PCDHGA6: variants seen among roughly 807,000 people sequenced by gnomAD.
PCDHGA6 encodes the protein protocadherin gamma subfamily A, 6.
Under a neutral mutation model 60.6 loss-of-function variants are expected in PCDHGA6, and 41 were observed. The observed-to-expected ratio is 0.68, with a 90% CI of 0.53 to 0.88. The LOEUF is 0.88. PCDHGA6 is among the 40% of genes least tolerant of loss of function. The pLI is 0.00. For synonymous variants in PCDHGA6, 594 were observed against 524.4 expected (o/e 1.13, Z -1.81); for missense variants, 1,312 against 1,203.0 (o/e 1.09, Z -1.34).
chr5:141,456,087 C>T (rs1218579202), intron 1 of PCDHGA6, among the ~76,000 whole-genome samples: 1 of 151,886 alleles, frequency 6.6e-6, no homozygotes, highest in Non-Finnish European at 1.5e-5. Context: ...TCAGTAGAGA[C>T]GGGATTTCAC....
intron 1 of PCDHGA6, among the ~76,000 whole-genome samples, chr5:141,473,191 G>A (rs28479996): frequency 0.019 from 2,957 of 152,242 alleles, 87 homozygotes; most frequent in African/African-American, 0.062. Context: ...AGGAGTAAAT[G>A]TATCTTCTAA....
Position 141,485,210 on chromosome 5 carries a change from C to G in PCDHGA6, c.2425-9597C>G. 2 of 1,614,058 alleles carry G rather than the reference C, an allele frequency of 1.2e-6. No individual in the cohort carries two copies. The highest frequency in any genetic ancestry group is 1.7e-6 in the Non-Finnish European group (2 of 1,179,934). On this transcript the variant is annotated intron_variant, in intron 1 of 3. Transcript: ENST00000517434. The surrounding 1 kb of genome is among the most constrained non-coding windows in gnomAD (Gnocchi z 5.7). ...GGTGAGAAGCTGGACAGAAATCTGG[C>G]GGTGGGCTACCCTTTTGTTCCTCTT...
intron 1 of PCDHGA6, chr5:141,422,717 T>A: frequency 6.2e-7 from 1 of 1,604,832 alleles, no homozygotes; most frequent in Non-Finnish European, 8.5e-7. Flanking sequence ...GATGACACTG[T>A]CCAGGGGGTG....
Position 141,476,698 on chromosome 5 carries a change from G to T in PCDHGA6, c.2425-18109G>T. The T allele has an allele frequency of 4.3e-6, 7 of 1,614,056 alleles. No homozygotes were observed. Among genetic ancestry groups the T allele is most frequent in the Non-Finnish European group, 5.9e-6 (7 of 1,179,986 alleles). ...CGCGGGAGGACAGCACCAAGTACGC[G>T]GAGCTGGTGTTGGAGCGCGCCCTGG... On this transcript the variant is annotated intron_variant, in intron 1 of 3. Coordinates refer to ENST00000517434, the MANE Select transcript of PCDHGA6 (RefSeq NM_018919.3). The surrounding 1 kb of genome is among the most constrained non-coding windows in gnomAD (Gnocchi z 7.6).
Position 141,374,976 on chromosome 5 carries a change from C to A in PCDHGA6, c.893C>A (p.Thr298Asn). Reference sequence around the variant, plus strand: ...CAAATTTTCTGTTTGAATGTTTTGACTGGAGAAATTTCAACTTCTGCAAAT... The same window carrying A: ...CAAATTTTCTGTTTGAATGTTTTGAATGGAGAAATTTCAACTTCTGCAAAT... ...ISQIFCLNVLTGEISTSANLD... is the reference protein window; with the variant it reads ...ISQIFCLNVLNGEISTSANLD... The change falls in exon 1 of 4, where the codon ACT becomes AAT. Residue 298 changes from threonine (T) to asparagine (N), a missense_variant. By Grantham distance (65) the Thr-to-Asn change is moderately conservative. Coordinates refer to ENST00000517434, the MANE Select transcript of PCDHGA6 (RefSeq NM_018919.3). The A allele has an allele frequency of 6.2e-7, 1 of 1,614,016 alleles. No homozygotes were observed. Among genetic ancestry groups the A allele is most frequent in the Non-Finnish European group, 8.5e-7 (1 of 1,179,900 alleles).
chr5:141,473,988 G>A (rs1006988447), intron 1 of PCDHGA6, among the ~76,000 whole-genome samples: 1 of 152,118 alleles, frequency 6.6e-6, no homozygotes, highest in African/African-American at 2.4e-5. Flanking sequence ...AGGATCCCTT[G>A]AGCCCAAGGA....
chr5:141,393,003 G>A (rs1202314944), intron 1 of PCDHGA6: 1 of 1,613,882 alleles, frequency 6.2e-7, no homozygotes, highest in East Asian at 2.2e-5. Flanking sequence ...GAAGCACGGA[G>A]TCCGTATCGT....
chr5:141,419,203 C>T (rs201698529), intron 1 of PCDHGA6: 140 of 1,613,988 alleles, frequency 8.7e-5, no homozygotes, highest in Non-Finnish European at 1.2e-4. Flanking sequence ...TCAATGACAA[C>T]GCGCCGGTTT....
intron 2 of PCDHGA6, among the ~76,000 whole-genome samples, chr5:141,496,748 C>T (rs1382244657): frequency 6.6e-6 from 1 of 152,130 alleles, no homozygotes; most frequent in African/African-American, 2.4e-5. Flanking sequence ...ATTTATTCAA[C>T]AAATATTTAT....
At chr5:141,427,280 A>G (rs1351534612) in intron 1 of PCDHGA6, 3 of 456,834 alleles carry the variant, frequency 6.6e-6, no homozygotes, top group Non-Finnish European at 8.8e-6. Context: ...GTAAAATTAT[A>G]CTAGAAATCC....
intron 1 of PCDHGA6, among the ~76,000 whole-genome samples, chr5:141,446,193 T>C (rs1402824950): frequency 6.6e-6 from 1 of 152,208 alleles, no homozygotes; most frequent in East Asian, 1.9e-4. Flanking sequence ...TTTATTATTA[T>C]ATTCCTAGGT....
At position 141,431,525 on chromosome 5, in the gene PCDHGA6, G is replaced by A. The variant is rs1390184616; in HGVS notation, c.2424+55018G>A. The A allele has an allele frequency of 5.6e-6, 9 of 1,613,956 alleles. No individual in the cohort carries two copies. Among genetic ancestry groups the A allele is most frequent in the Non-Finnish European group, 7.6e-6 (9 of 1,180,044 alleles). ...CCGCGCGAGCGTTCCGGAGAATCTG[G>A]CCTTGGGCACGCAGCTGCTTGTAGT... On this transcript the variant is annotated intron_variant, in intron 1 of 3. Transcript: ENST00000517434. This position sits in a 1 kb window ranked among gnomAD's most constrained non-coding sequence, Gnocchi z 4.8.
intron 1 of PCDHGA6, chr5:141,409,530 C>G: frequency 6.2e-7 from 1 of 1,613,994 alleles, no homozygotes. Flanking sequence ...TTGTATGTCG[C>G]TGACATCAAC....
At chr5:141,426,702 C>CA (rs1187798274) in intron 1 of PCDHGA6, 1 of 439,184 alleles carries the variant, frequency 2.3e-6, no homozygotes, top group Admixed American at 2.4e-5. Context: ...CATTGTTTTA[C>CA]AAATCAATGA....
intron 1 of PCDHGA6, among the ~76,000 whole-genome samples, chr5:141,484,306 C>T (rs1009067603): frequency 6.6e-6 from 1 of 152,184 alleles, no homozygotes; most frequent in African/African-American, 2.4e-5. Context: ...GCTTCCTCCA[C>T]CCCGCTTCCA....
intron 1 of PCDHGA6, chr5:141,413,820 C>G (rs967941133): frequency 5.6e-6 from 9 of 1,613,086 alleles, no homozygotes; most frequent in South Asian, 1.1e-5. Flanking sequence ...ACCACCTGGT[C>G]CTCACCGCCT....
In PCDHGA6 at chr5:141,432,627, C is replaced by G. The variant is rs886117102; in HGVS notation, c.2424+56120C>G. On this transcript the variant is annotated intron_variant, in intron 1 of 3. Transcript: ENST00000517434. This position sits in a 1 kb window ranked among gnomAD's most constrained non-coding sequence, Gnocchi z 6.0. The stretch of plus-strand genomic sequence containing the variant: ...GGACTCTTCTCGGTGGGTCTGCACA[C>G]GGGCGAGGTGCGCACGGCGCGAGCC... The G allele has an allele frequency of 1.2e-6, 2 of 1,613,652 alleles. No individual in the cohort carries two copies. The highest frequency in any genetic ancestry group is 2.7e-5 in the African/African-American group (2 of 74,886).
chr5:141,400,476 C>T (rs2094027348), intron 1 of PCDHGA6: 2 of 1,613,846 alleles, frequency 1.2e-6, no homozygotes, highest in African/African-American at 2.7e-5. Context: ...CATCTGGGGC[C>T]TTATTTCCAC....
chr5:141,494,897 C>T (rs1194879883), intron 2 of PCDHGA6, 32 bp downstream of exon 2: 2 of 1,614,122 alleles, frequency 1.2e-6, no homozygotes, highest in South Asian at 2.2e-5. Flanking sequence ...CCACCCTCTT[C>T]TCTGCGGCAT....
Sources: allele counts gnomAD v4.1 joint callset (sites outside exome capture counted in the v4.1 genomes callset), GRCh38; gene constraint gnomAD v4.1.1; non-coding constraint Gnocchi (gnomAD v3.1); transcripts MANE v1.5; gene names NCBI Gene and HGNC (gene_info 2026-07-23, HGNC 2026-07-21).